PALM2AKAP2: variants seen among roughly 807,000 people sequenced by gnomAD.
PALM2AKAP2 encodes PALM2 and AKAP2 fusion.
Under a neutral mutation model 71.5 loss-of-function variants are expected in PALM2AKAP2, and 37 were observed. The ratio of observed to expected loss-of-function variants is 0.52; its 90% CI spans 0.40 to 0.68. PALM2AKAP2 has a LOEUF of 0.68. Ranked by LOEUF, PALM2AKAP2 falls within the 30% of genes least tolerant of loss-of-function variation. PALM2AKAP2 has a pLI of 0.00. For synonymous variants in PALM2AKAP2, 468 were observed against 478.8 expected (o/e 0.98, Z 0.29); for missense variants, 1,224 against 1,191.8 (o/e 1.03, Z -0.40).
chr9:109,929,863 C>CA (rs58029417), intron 5 of PALM2AKAP2, among the ~76,000 whole-genome samples: 1,895 of 68,930 alleles, frequency 0.027, 69 homozygotes, highest in African/African-American at 0.054. Flanking sequence ...GACTCCATTT[C>CA]AAAAAAAAAA....
At chr9:110,109,433 C>T (rs1265343771) in intron 1 of PALM2AKAP2, among the ~76,000 whole-genome samples, 4 of 151,088 alleles carry the variant, frequency 2.6e-5, no homozygotes, top group East Asian at 3.9e-4. Flanking sequence ...TTTCAGGGTG[C>T]GGTATTTGGA....
chr9:110,013,168 C>T (rs1037546442), intron 6 of PALM2AKAP2, among the ~76,000 whole-genome samples: 1 of 152,186 alleles, frequency 6.6e-6, no homozygotes, highest in Non-Finnish European at 1.5e-5. Flanking sequence ...GGGGCTTGTC[C>T]TTCTCATGCT....
chr9:109,805,214 C>G (rs762306660), intron 1 of PALM2AKAP2, among the ~76,000 whole-genome samples: 3 of 152,174 alleles, frequency 2.0e-5, no homozygotes, highest in Non-Finnish European at 4.4e-5. Flanking sequence ...TCCTGCAGCT[C>G]TGTTTTTCTT....
At chr9:110,083,052 A>G (rs1179192173) in intron 1 of PALM2AKAP2, among the ~76,000 whole-genome samples, 1 of 152,160 alleles carries the variant, frequency 6.6e-6, no homozygotes, top group African/African-American at 2.4e-5. Flanking sequence ...GAGGCAGGAG[A>G]ATCACTTGAA....
intron 1 of PALM2AKAP2, among the ~76,000 whole-genome samples, chr9:109,724,930 G>A (rs530210244): frequency 4.6e-5 from 7 of 152,120 alleles, no homozygotes; most frequent in East Asian, 1.9e-4. Flanking sequence ...AATGAAAAGC[G>A]AAAAGCTAGG....
chr9:109,928,025 C>T (rs1159925032), intron 5 of PALM2AKAP2, among the ~76,000 whole-genome samples: 1 of 152,172 alleles, frequency 6.6e-6, no homozygotes, highest in African/African-American at 2.4e-5. Flanking sequence ...TGGCTTAGAG[C>T]GTTTCCCACA....
intron 2 of PALM2AKAP2, among the ~76,000 whole-genome samples, chr9:110,155,143 T>G (rs1836415719): frequency 6.6e-6 from 1 of 152,182 alleles, no homozygotes; most frequent in South Asian, 2.1e-4. Context: ...AGGCTTCACT[T>G]GTGATTCCTG....
intron 1 of PALM2AKAP2, among the ~76,000 whole-genome samples, chr9:109,729,819 T>C (rs115382789): frequency 0.043 from 6,495 of 152,334 alleles, 192 homozygotes; most frequent in Non-Finnish European, 0.053. Context: ...GAGGACACTT[T>C]GTCTCCTACA....
rs1830389018 is a variant in PALM2AKAP2, at chr9:109,904,063, TG to T, written c.258-19671del. Among the ~76,000 whole-genome samples the T allele has an allele frequency of 3.9e-5, 6 of 152,198 alleles. No individual in the cohort carries two copies. In the South Asian group the frequency reaches 1.2e-3, roughly 32 times the overall value. On this transcript the variant is annotated intron_variant, in intron 3 of 9. Transcript: ENST00000302798. ...TTATAAATGCTGTATTTAACAGACT[TG>T]TTTCTAAATTAAATTTTTTTAAAGC... is the stretch of plus-strand genomic sequence containing the variant.
At chr9:109,818,176 C>T (rs747423809) in intron 1 of PALM2AKAP2, among the ~76,000 whole-genome samples, 3 of 152,150 alleles carry the variant, frequency 2.0e-5, no homozygotes, top group Non-Finnish European at 4.4e-5. Context: ...ATCTGGGTAG[C>T]AGCGAAACAG....
chr9:109,829,575 A>G (rs1828243152), intron 1 of PALM2AKAP2, among the ~76,000 whole-genome samples: 1 of 151,940 alleles, frequency 6.6e-6, no homozygotes, highest in Non-Finnish European at 1.5e-5. Flanking sequence ...CTGGGAAGAA[A>G]AAATATGAAG....
At chr9:109,899,662 A>C (rs540087433) in intron 3 of PALM2AKAP2, among the ~76,000 whole-genome samples, 1 of 152,164 alleles carries the variant, frequency 6.6e-6, no homozygotes, top group Non-Finnish European at 1.5e-5. Context: ...CTTGTCTCTC[A>C]TAATTGTGTC....
chr9:109,846,848 C>CA (rs1191345833), intron 1 of PALM2AKAP2, among the ~76,000 whole-genome samples: 1 of 152,236 alleles, frequency 6.6e-6, no homozygotes, highest in Admixed American at 6.5e-5. Flanking sequence ...CCTAACAGCA[C>CA]AATGAGCATC....
chr9:109,861,682 C>T lies in PALM2AKAP2; in HGVS notation c.46-5809C>T, dbSNP rs114834902. 6.7e-3 allele frequency among the ~76,000 whole-genome samples: 1,016 copies of T among 152,256 alleles called. 9 individuals are homozygous for T. Among genetic ancestry groups the T allele is most frequent in the African/African-American group, 0.023 (971 of 41,528 alleles). ...TTTTCCCTGGAATTTCCACTTCCCCCGCCTTTCTCCCCAGAATAAGCTTTC... is the reference window on the plus strand; with the variant it reads ...TTTTCCCTGGAATTTCCACTTCCCCTGCCTTTCTCCCCAGAATAAGCTTTC... On this transcript the variant is annotated intron_variant, in intron 1 of 9. Coordinates refer to the PALM2AKAP2 transcript ENST00000302798.
At chr9:109,914,751 T>C (rs1564208038) in intron 3 of PALM2AKAP2, among the ~76,000 whole-genome samples, 1 of 152,258 alleles carries the variant, frequency 6.6e-6, no homozygotes, top group South Asian at 2.1e-4. Flanking sequence ...TGTTTGGCTA[T>C]AGGGTAGGGC....
chr9:110,168,725 C>A, exon 4 of PALM2AKAP2: 1 of 498,230 alleles, frequency 2.0e-6, no homozygotes, highest in Non-Finnish European at 3.5e-6. Flanking sequence ...TTTTTGGTGA[C>A]TCAATCCCAG....
intron 3 of PALM2AKAP2, among the ~76,000 whole-genome samples, chr9:109,909,013 AG>A (rs1830511490): frequency 6.6e-6 from 1 of 152,370 alleles, no homozygotes; most frequent in South Asian, 2.1e-4. Flanking sequence ...AGAGCGTCAC[AG>A]GGCAAAATGA....
intron 1 of PALM2AKAP2, among the ~76,000 whole-genome samples, chr9:109,774,423 A>AT (rs1829320549): frequency 6.6e-6 from 1 of 152,078 alleles, no homozygotes. Flanking sequence ...TTCTTCCCAT[A>AT]TTTTCCTAGG....
intron 3 of PALM2AKAP2, among the ~76,000 whole-genome samples, chr9:109,916,018 A>G (rs1032350895): frequency 1.3e-5 from 2 of 151,762 alleles, no homozygotes; most frequent in African/African-American, 4.8e-5. Flanking sequence ...ATCTCGGCTC[A>G]CTGCAACCTC....
Sources: allele counts gnomAD v4.1 joint callset (sites outside exome capture counted in the v4.1 genomes callset), GRCh38; gene constraint gnomAD v4.1.1; transcripts MANE v1.5; gene names NCBI Gene and HGNC (gene_info 2026-07-23, HGNC 2026-07-21).